The following SLC35F1 variants were observed in gnomAD, a reference collection of about 807,000 sequenced individuals.
The protein encoded by SLC35F1 is chromosome 6 open reading frame 169.
In SLC35F1, 14 loss-of-function variants were observed where a neutral mutation model predicts 48.7. The observed-to-expected ratio is 0.29, with a 90% CI of 0.19 to 0.45. SLC35F1 has a LOEUF of 0.45. SLC35F1 is among the 20% of genes least tolerant of loss of function. SLC35F1 has a pLI of 1.00. For missense variants in SLC35F1, 404 were observed against 500.0 expected, an observed-to-expected ratio of 0.81 and a Z score of 1.83; for synonymous variants, 190 against 202.2, an observed-to-expected ratio of 0.94 and a Z score of 0.51.
chr6:117,971,101 G>C (rs1776631680), intron 1 of SLC35F1, among the ~76,000 whole-genome samples: 1 of 152,182 alleles, frequency 6.6e-6, no homozygotes, highest in African/African-American at 2.4e-5. Flanking sequence ...AAGCAAGTTA[G>C]TTACTTCCTA....
chr6:117,999,064 A>C (rs1254113771), intron 1 of SLC35F1: 3 of 1,512,052 alleles, frequency 2.0e-6, no homozygotes, highest in Middle Eastern at 1.8e-4. Flanking sequence ...AAAGATACGA[A>C]TCTCTTAAGG....
At chr6:118,002,240 G>T (rs1430617179) in intron 1 of SLC35F1, among the ~76,000 whole-genome samples, 1 of 152,000 alleles carries the variant, frequency 6.6e-6, no homozygotes, top group South Asian at 2.1e-4. Context: ...AGAAAATGTG[G>T]CACATATACA....
intron 1 of SLC35F1, among the ~76,000 whole-genome samples, chr6:117,944,057 G>A (rs1776264988): frequency 6.6e-6 from 1 of 152,076 alleles, no homozygotes; most frequent in Non-Finnish European, 1.5e-5. Context: ...AAAATTGATG[G>A]TTTCATTGTC....
At chr6:118,263,911 A>C (rs1775741677) in intron 3 of SLC35F1, among the ~76,000 whole-genome samples, 1 of 152,260 alleles carries the variant, frequency 6.6e-6, no homozygotes, top group Admixed American at 6.5e-5. Context: ...TCTCTTCAAC[A>C]GTTACAGATG....
chr6:118,154,410 G>T (rs1774109050), intron 1 of SLC35F1, 35 bp from the exon 2 acceptor site: 3 of 1,574,146 alleles, frequency 1.9e-6, no homozygotes, highest in South Asian at 2.4e-5. Flanking sequence ...GCTTCCTGCT[G>T]ACCTTTGCTG....
At chr6:118,106,334 C>T (rs922539575) in intron 1 of SLC35F1, among the ~76,000 whole-genome samples, 1 of 152,166 alleles carries the variant, frequency 6.6e-6, no homozygotes, top group Non-Finnish European at 1.5e-5. Context: ...CAAGAGAATT[C>T]TTTATTTCTC....
intron 1 of SLC35F1, among the ~76,000 whole-genome samples, chr6:117,972,933 A>T (rs914631360): frequency 1.3e-5 from 2 of 152,256 alleles, no homozygotes; most frequent in African/African-American, 4.8e-5. Context: ...ATTATGATAA[A>T]TGTTAAAATT....
intron 2 of SLC35F1, among the ~76,000 whole-genome samples, chr6:118,206,968 T>C (rs907877529): frequency 3.9e-5 from 6 of 152,190 alleles, no homozygotes; most frequent in African/African-American, 1.4e-4. Flanking sequence ...AAAACAACTT[T>C]GAAGTGATTA....
In SLC35F1 at chr6:118,314,104, T is replaced by C. The variant is rs758341405; in HGVS notation, c.1079T>C (p.Ile360Thr). The stretch of plus-strand genomic sequence containing the variant: ...CTCTACTCCTCCACCTCCACCTACA[T>C]AGCCCAGGACCCCCGAGTGTATAAG... ...LVLYSSTSTY[I>T]AQDPRVYKQF... Residue 360 changes from isoleucine (I) to threonine (T), a missense_variant, in exon 8 of 8, where the codon ATA (isoleucine) becomes ACA (threonine). Coordinates refer to ENST00000360388, the MANE Select transcript of SLC35F1 (RefSeq NM_001029858.4). The C allele has an allele frequency of 6.2e-7, 1 of 1,614,112 alleles. No individual in the cohort carries two copies. Among genetic ancestry groups the C allele is most frequent in the South Asian group, 1.1e-5 (1 of 91,076 alleles).
chr6:118,290,558 T>C (rs1562352473), intron 7 of SLC35F1, among the ~76,000 whole-genome samples: 1 of 150,538 alleles, frequency 6.6e-6, no homozygotes, highest in African/African-American at 2.4e-5. Context: ...ATCCAAAAAT[T>C]AAAAAAAAAA....
intron 1 of SLC35F1, among the ~76,000 whole-genome samples, chr6:118,100,200 T>A (rs1384065712): frequency 1.3e-5 from 2 of 152,146 alleles, no homozygotes; most frequent in Non-Finnish European, 2.9e-5. Flanking sequence ...CTAGGCATGC[T>A]TTTAACCACC....
At chr6:117,967,187 G>A (rs1776581661) in intron 1 of SLC35F1, among the ~76,000 whole-genome samples, 1 of 151,796 alleles carries the variant, frequency 6.6e-6, no homozygotes, top group Admixed American at 6.6e-5. Flanking sequence ...CATTCTTAGA[G>A]CACACAGAAA....
chr6:118,279,968 AAT>A (rs1775962411), intron 6 of SLC35F1, among the ~76,000 whole-genome samples: 1 of 152,148 alleles, frequency 6.6e-6, no homozygotes, highest in South Asian at 2.1e-4. Context: ...GGGGTTAATA[AAT>A]ATGTTTTCTA....
At chr6:118,174,417 G>A (rs1052544360) in intron 2 of SLC35F1, among the ~76,000 whole-genome samples, 1 of 152,026 alleles carries the variant, frequency 6.6e-6, no homozygotes, top group African/African-American at 2.4e-5. Flanking sequence ...AAAAAACACA[G>A]TAAAAGAAAT....
intron 5 of SLC35F1, 50 bp from the exon 6 acceptor site, chr6:118,277,444 A>G: frequency 6.8e-7 from 1 of 1,471,710 alleles, no homozygotes. Context: ...GAAAGAAAGT[A>G]GAGTGCATTC....
intron 2 of SLC35F1, among the ~76,000 whole-genome samples, chr6:118,226,472 A>G (rs2356077): frequency 0.34 from 43,130 of 127,060 alleles, 7,439 homozygotes; most frequent in East Asian, 0.67. Context: ...GTGTCCATCA[A>G]CTGATGAATG....
chr6:118,091,444 C>T (rs964116329), intron 1 of SLC35F1, among the ~76,000 whole-genome samples: 1 of 152,138 alleles, frequency 6.6e-6, no homozygotes, highest in Non-Finnish European at 1.5e-5. Flanking sequence ...AGGGCAGTTC[C>T]CCTGCACACA....
At chr6:117,923,327 G>A (rs932796910) in intron 1 of SLC35F1, among the ~76,000 whole-genome samples, 7 of 152,004 alleles carry the variant, frequency 4.6e-5, no homozygotes, top group Admixed American at 3.3e-4. Context: ...GACAGCCCAT[G>A]CAGAGTTTAG....
At chr6:117,923,405 C>T (rs911603914) in intron 1 of SLC35F1, among the ~76,000 whole-genome samples, 9 of 150,864 alleles carry the variant, frequency 6.0e-5, no homozygotes, top group Admixed American at 1.3e-4. Context: ...CAGTATATTG[C>T]GATAACCTTG....
Sources: allele counts gnomAD v4.1 joint callset (sites outside exome capture counted in the v4.1 genomes callset), GRCh38; gene constraint gnomAD v4.1.1; transcripts MANE v1.5; gene names NCBI Gene and HGNC (gene_info 2026-07-23, HGNC 2026-07-21).